BCL11B: variants seen among roughly 807,000 people sequenced by gnomAD.
BCL11B encodes B-cell lymphoma/leukemia 11B.
BCL11B carries 8 observed loss-of-function variants against 49.9 expected under a neutral mutation model. That is an observed-to-expected ratio of 0.16 (90% CI 0.09 to 0.29). The LOEUF (loss-of-function observed/expected upper bound fraction) is 0.29, where lower values mean the gene tolerates loss of function less well. BCL11B is among the 10% of genes least tolerant of loss of function. The probability of loss-of-function intolerance (pLI) is 1.00; values close to 1 mark genes in which losing one functional copy is unlikely to be tolerated. For missense variants in BCL11B, 1,006 were observed against 1,351.0 expected (o/e 0.74, Z 4.00); for synonymous variants, 739 against 637.4 (o/e 1.16, Z -2.40).
intron 3 of BCL11B, among the ~76,000 whole-genome samples, chr14:99,181,673 A>T (rs1886707579): frequency 6.6e-6 from 1 of 152,224 alleles, no homozygotes; most frequent in Non-Finnish European, 1.5e-5. Flanking sequence ...GGAGAGGAGA[A>T]GGGGAGACGT....
intron 3 of BCL11B, among the ~76,000 whole-genome samples, chr14:99,220,704 C>A (rs908606428): frequency 6.6e-6 from 1 of 152,004 alleles, no homozygotes; most frequent in Non-Finnish European, 1.5e-5. Context: ...CCGAACTGTG[C>A]ACTTAAAAAT....
At chr14:99,211,467 G>A (rs1315231516) in intron 3 of BCL11B, among the ~76,000 whole-genome samples, 1 of 152,180 alleles carries the variant, frequency 6.6e-6, no homozygotes, top group Non-Finnish European at 1.5e-5. Context: ...CTGGTCTCAG[G>A]GTATAGCGTA....
At chr14:99,236,056 C>T (rs1888488843) in intron 2 of BCL11B, among the ~76,000 whole-genome samples, 2 of 152,008 alleles carry the variant, frequency 1.3e-5, no homozygotes, top group East Asian at 1.9e-4. Flanking sequence ...AGACTGTGCT[C>T]CTGCCTTTGA....
In BCL11B at chr14:99,171,954, T is replaced by C. The variant is rs1886304215; in HGVS notation, c.*2197A>G. ...AGTAATCAAGAAATTTTAATATATA[T>C]AATATATACTAAAACCCCGTCACCA... On this transcript the variant is annotated 3_prime_UTR_variant, in exon 4 of 4. Transcript: ENST00000357195. 5.0e-6 allele frequency: 1 copy of C among 198,210 alleles called. No homozygotes were observed. The highest frequency in any genetic ancestry group is 1.0e-5 in the Non-Finnish European group (1 of 95,884). The allele number at this position is 198,210 out of a possible 1,614,324, so 12.3% of individuals were successfully genotyped here.
In BCL11B at chr14:99,175,684, G is replaced by C; in HGVS notation, c.1152C>G (p.Arg384=). 1 of 1,532,068 alleles carries C rather than the reference G, an allele frequency of 6.5e-7. No individual in the cohort carries two copies. The highest frequency in any genetic ancestry group is 8.7e-7 in the Non-Finnish European group (1 of 1,153,218). 94.9% of individuals were successfully genotyped at this position (1,532,068 alleles called of 1,614,324 possible). The change falls in exon 4 of 4, where the codon CGC becomes CGG. Residue 384 remains arginine (R), a synonymous_variant. Transcript: ENST00000357195. ...SSTPPPVSPG[R]GNPMHRLLNP... is the part of the protein sequence containing the mutation. ...TCAGGAGCCGGTGCATAGGGTTGCC[G>C]CGGCCCGGGGACACGGGCGGCGGCG...
Position 99,272,028 on chromosome 14 carries a change from G to T in BCL11B, c.-810C>A, listed in dbSNP as rs2139988383. 6.6e-6 allele frequency among the ~76,000 whole-genome samples: 1 copy of T among 152,024 alleles called. No individual in the cohort carries two copies. Reference sequence around the variant, plus strand: ...CGGCCGGAGGGGCTGCCGAGTCCCCGCGAGCGCTCCCCAGCGCTCCCCTGG... The same window carrying T: ...CGGCCGGAGGGGCTGCCGAGTCCCCTCGAGCGCTCCCCAGCGCTCCCCTGG... On this transcript the variant is annotated 5_prime_UTR_variant, in exon 1 of 4. Transcript: ENST00000357195. The surrounding 1 kb of genome is among the most constrained non-coding windows in gnomAD (Gnocchi z 6.0).
At chr14:99,187,073 C>T (rs1050084886) in intron 3 of BCL11B, among the ~76,000 whole-genome samples, 2 of 152,194 alleles carry the variant, frequency 1.3e-5, no homozygotes, top group African/African-American at 4.8e-5. Context: ...TGAACTATGG[C>T]TGCATGCACC....
rs113136158 is a variant in BCL11B at position 99,261,903 on chromosome 14, G to A, written c.59-4064C>T. ...TACACACACACACACACAAACACACGAGTTAGATTTTCTTTTACAACAAAA... is the reference window on the plus strand; with the variant it reads ...TACACACACACACACACAAACACACAAGTTAGATTTTCTTTTACAACAAAA... On this transcript the variant is annotated intron_variant, in intron 1 of 3. Transcript: ENST00000357195. 3.1e-3 allele frequency among the ~76,000 whole-genome samples: 477 copies of A among 152,078 alleles called. 3 individuals are homozygous for A. The highest frequency in any genetic ancestry group is 0.011 in the African/African-American group (455 of 41,488).
chr14:99,216,713 A>C (rs1887844855), intron 3 of BCL11B, among the ~76,000 whole-genome samples: 1 of 152,158 alleles, frequency 6.6e-6, no homozygotes, highest in Non-Finnish European at 1.5e-5. Flanking sequence ...AAGTGCCCTC[A>C]CCATAAACAC....
In BCL11B at chr14:99,271,362, G is replaced by T. The variant is rs1256736794; in HGVS notation, c.-144C>A. The T allele has an allele frequency of 2.2e-5, 9 of 413,656 alleles. No homozygotes were observed. The East Asian group carries it at 3.3e-4, about 15-fold the overall frequency. The allele number at this position is 413,656 out of a possible 1,614,324, so 25.6% of individuals were successfully genotyped here. Reference sequence around the variant, plus strand: ...CACCTCCTCCTCTGCCCGGGTTGGTGTTTTTTTTCCCTTCCTCTCTTTCCC... The same window carrying T: ...CACCTCCTCCTCTGCCCGGGTTGGTTTTTTTTTTCCCTTCCTCTCTTTCCC... On this transcript the variant is annotated 5_prime_UTR_variant, in exon 1 of 4. Coordinates refer to ENST00000357195, the MANE Select transcript of BCL11B (RefSeq NM_138576.4).
At chr14:99,203,086 T>C (rs1165741523) in intron 3 of BCL11B, among the ~76,000 whole-genome samples, 2 of 151,990 alleles carry the variant, frequency 1.3e-5, no homozygotes, top group African/African-American at 4.8e-5. Flanking sequence ...CTATCTCAAC[T>C]CCCACTTCCT....
Position 99,175,804 on chromosome 14 carries a change from G to C in BCL11B, c.1032C>G (p.Ala344=), listed in dbSNP as rs1011254015. The C allele has an allele frequency of 8.8e-6, 13 of 1,473,300 alleles. No individual in the cohort carries two copies. The highest frequency in any genetic ancestry group is 1.2e-5 in the Non-Finnish European group (13 of 1,121,070). The allele number at this position is 1,473,300 out of a possible 1,614,324, so 91.3% of individuals were successfully genotyped here. Residue 344 remains alanine, a synonymous_variant, in exon 4 of 4, where the codon GCC becomes GCG. Coordinates refer to ENST00000357195, the MANE Select transcript of BCL11B (RefSeq NM_138576.4). ...EMGLVAQHPS[A]FDRVMRLNPM... is the part of the protein sequence containing the mutation. ...GGTTCAGGCGCATGACTCGGTCGAA[G>C]GCACTGGGGTGCTGGGCGACGAGCC... is the stretch of plus-strand genomic sequence containing the variant.
At position 99,263,684 on chromosome 14, in the gene BCL11B, C is replaced by T. The variant is rs114660214; in HGVS notation, c.59-5845G>A. On this transcript the variant is annotated intron_variant, in intron 1 of 3. Transcript: ENST00000357195. ...CAGTTGCTCTATGGAGTCCAACCGC[C>T]TTCTCTCCCCCACTGCACACACCTC... Among the ~76,000 whole-genome samples the T allele has an allele frequency of 4.4e-3, 665 of 152,304 alleles. 2 individuals are homozygous for T. Among genetic ancestry groups the T allele is most frequent in the African/African-American group, 0.015 (630 of 41,552 alleles).
In BCL11B at chr14:99,252,926, C is replaced by A. The variant is rs376653328; in HGVS notation, c.427+4545G>T. Among the ~76,000 whole-genome samples, 107 of 152,340 alleles carry A rather than the reference C, an allele frequency of 7.0e-4. 1 individual carries two copies. In the South Asian group the frequency reaches 0.022, roughly 31 times the overall value. The stretch of plus-strand genomic sequence containing the variant: ...TGTAGGAAATCACCGTGAGAGAGAT[C>A]CCAGGTAAGTGATCATGGTTTTGAC... On this transcript the variant is annotated intron_variant, in intron 2 of 3. Transcript: ENST00000357195.
chr14:99,193,529 C>A (rs1026975218), intron 3 of BCL11B, among the ~76,000 whole-genome samples: 1 of 152,036 alleles, frequency 6.6e-6, no homozygotes, highest in Non-Finnish European at 1.5e-5. Context: ...TACAACATGC[C>A]GGAGAACTCG....
At chr14:99,223,841 A>G (rs972166949) in intron 3 of BCL11B, among the ~76,000 whole-genome samples, 1 of 152,256 alleles carries the variant, frequency 6.6e-6, no homozygotes, top group African/African-American at 2.4e-5. Flanking sequence ...CAGGTGGGAC[A>G]CCTCTCCATC....
chr14:99,248,728 G>A lies in BCL11B; in HGVS notation c.427+8743C>T, dbSNP rs980513013. 6.6e-6 allele frequency among the ~76,000 whole-genome samples: 1 copy of A among 152,172 alleles called. No individual in the cohort carries two copies. The highest frequency in any genetic ancestry group is 2.4e-5 in the African/African-American group (1 of 41,408). ...AAGCCTCATTAATGTGAAAAATGAG[G>A]AAAGTTGGGGGAACTACTGGGTGGG... On this transcript the variant is annotated intron_variant, in intron 2 of 3. Transcript: ENST00000357195. The surrounding 1 kb of genome is among the most constrained non-coding windows in gnomAD (Gnocchi z 4.7).
rs150845749 is a variant in BCL11B, at chr14:99,196,588, G to A, written c.641-20393C>T. 1.4e-4 allele frequency among the ~76,000 whole-genome samples: 22 copies of A among 152,292 alleles called. 1 individual carries two copies. Among genetic ancestry groups the A allele is most frequent in the African/African-American group, 5.3e-4 (22 of 41,554 alleles). ...CACTTTGCAGCGGCTCATGTGCCCT[G>A]ACCATTCCCTGTCTGCAGCTGTCTT... On this transcript the variant is annotated intron_variant, in intron 3 of 3. Coordinates refer to ENST00000357195, the MANE Select transcript of BCL11B (RefSeq NM_138576.4).
intron 3 of BCL11B, among the ~76,000 whole-genome samples, chr14:99,197,813 C>G (rs1023232546): frequency 6.6e-6 from 1 of 152,214 alleles, no homozygotes; most frequent in African/African-American, 2.4e-5. Context: ...GAGACATCCT[C>G]ACCAAGTGTC....
Sources: gnomAD v4.1 joint callset for allele counts (sites outside exome capture counted in the v4.1 genomes callset) on GRCh38, gnomAD v4.1.1 for gene constraint, Gnocchi (gnomAD v3.1) non-coding constraint, MANE v1.5 for transcripts, NCBI Gene and HGNC (gene_info 2026-07-23, HGNC 2026-07-21) for gene names.